The following ST6GALNAC5 variants were observed in gnomAD, a reference collection of about 807,000 sequenced individuals.
ST6GALNAC5 encodes the protein alpha-N-acetylgalactosaminide alpha-2,6-sialyltransferase 5.
Under a neutral mutation model 33.6 loss-of-function variants are expected in ST6GALNAC5, and 27 were observed. The observed-to-expected ratio is 0.80, with a 90% CI of 0.59 to 1.11. The LOEUF is 1.11. Ranked by LOEUF, ST6GALNAC5 falls within the 50% of genes least tolerant of loss-of-function variation. ST6GALNAC5 has a pLI of 0.00. For synonymous variants in ST6GALNAC5, 194 were observed against 171.2 expected, an observed-to-expected ratio of 1.13 and a Z score of -1.04; for missense variants, 428 against 454.0, an observed-to-expected ratio of 0.94 and a Z score of 0.52.
At chr1:77,033,503 G>T (rs1171602832) in intron 2 of ST6GALNAC5, among the ~76,000 whole-genome samples, 2 of 152,198 alleles carry the variant, frequency 1.3e-5, no homozygotes, top group Admixed American at 6.5e-5. Flanking sequence ...GGTGGAACTT[G>T]CCTCTTGGGG....
Position 76,895,731 on chromosome 1 carries a change from T to C in ST6GALNAC5, c.261+26989T>C, listed in dbSNP as rs549436721. ...GCAGTGTAAACAAGAGCAGGGCATG[T>C]ATGAGTAGTTGAGAACGGTGAATAG... On this transcript the variant is annotated intron_variant, in intron 2 of 4. Transcript: ENST00000477717. Among the ~76,000 whole-genome samples, 33 of 152,264 alleles carry C rather than the reference T, an allele frequency of 2.2e-4. No homozygotes were observed. In the East Asian group the frequency reaches 6.0e-3, roughly 28 times the overall value.
chr1:76,904,234 G>A (rs930011384), intron 2 of ST6GALNAC5, among the ~76,000 whole-genome samples: 3 of 152,136 alleles, frequency 2.0e-5, no homozygotes, highest in Non-Finnish European at 2.9e-5. Flanking sequence ...ACATGTCTGC[G>A]AGGTCGGTAA....
At chr1:76,982,363 G>C (rs778371510) in intron 2 of ST6GALNAC5, among the ~76,000 whole-genome samples, 1 of 152,178 alleles carries the variant, frequency 6.6e-6, no homozygotes, top group Non-Finnish European at 1.5e-5. Flanking sequence ...ACTTCGTGAA[G>C]CATGCACAAG....
intron 3 of ST6GALNAC5, among the ~76,000 whole-genome samples, chr1:77,049,660 A>T (rs1652154477): frequency 6.6e-6 from 1 of 152,210 alleles, no homozygotes; most frequent in Non-Finnish European, 1.5e-5. Flanking sequence ...AAATATAAGC[A>T]TTCCTGTGGC....
intron 2 of ST6GALNAC5, among the ~76,000 whole-genome samples, chr1:76,933,139 A>G (rs966478659): frequency 1.3e-5 from 2 of 152,074 alleles, no homozygotes; most frequent in Admixed American, 6.6e-5. Context: ...AATTTCTTAA[A>G]TGGAATCCTG....
intron 3 of ST6GALNAC5, among the ~76,000 whole-genome samples, chr1:77,049,068 C>G (rs1652124052): frequency 6.6e-6 from 1 of 151,922 alleles, no homozygotes; most frequent in Non-Finnish European, 1.5e-5. Context: ...AGCCATGATC[C>G]CCAGGAATAA....
At chr1:76,923,510 T>C (rs943397771) in intron 2 of ST6GALNAC5, among the ~76,000 whole-genome samples, 2 of 152,094 alleles carry the variant, frequency 1.3e-5, no homozygotes, top group African/African-American at 2.4e-5. Context: ...CTGGCCAACA[T>C]GGTGAAACCC....
At chr1:76,902,889 C>T (rs914110898) in intron 2 of ST6GALNAC5, among the ~76,000 whole-genome samples, 7 of 152,032 alleles carry the variant, frequency 4.6e-5, no homozygotes, top group African/African-American at 1.4e-4. Context: ...TAACTCAAAG[C>T]AGATCAAAGA....
At chr1:76,940,784 T>C (rs943722090) in intron 2 of ST6GALNAC5, among the ~76,000 whole-genome samples, 3 of 152,088 alleles carry the variant, frequency 2.0e-5, no homozygotes, top group Non-Finnish European at 4.4e-5. Flanking sequence ...TTCTCTTTCA[T>C]GGCAAGCTGA....
rs1653366282 is a variant in ST6GALNAC5 at position 76,867,521 on chromosome 1, C to T, written c.-155C>T. The T allele has an allele frequency of 8.8e-7, 1 of 1,142,054 alleles. No individual in the cohort carries two copies. The highest frequency in any genetic ancestry group is 1.3e-6 in the Non-Finnish European group (1 of 755,074). The allele number at this position is 1,142,054 out of a possible 1,614,324, so 70.7% of individuals were successfully genotyped here. ...CTAATCTCTGCAACAGCCGCGCTTC[C>T]CGGGTCCCGCGGCTCCCGCGCGCGA... On this transcript the variant is annotated 5_prime_UTR_variant, in exon 1 of 5. Coordinates refer to ENST00000477717, the MANE Select transcript of ST6GALNAC5 (RefSeq NM_030965.3).
intron 2 of ST6GALNAC5, among the ~76,000 whole-genome samples, chr1:76,988,651 G>C (rs1336712821): frequency 1.3e-5 from 2 of 151,948 alleles, no homozygotes; most frequent in African/African-American, 4.8e-5. Flanking sequence ...GAAATCCTTT[G>C]ACTTCCAGCT....
chr1:76,900,237 C>T (rs1646803991), intron 2 of ST6GALNAC5, among the ~76,000 whole-genome samples: 1 of 152,044 alleles, frequency 6.6e-6, no homozygotes, highest in Non-Finnish European at 1.5e-5. Context: ...AGGAATTTCA[C>T]AAGACAATGT....
chr1:77,055,023 T>C (rs1652344955), intron 4 of ST6GALNAC5, among the ~76,000 whole-genome samples: 1 of 152,078 alleles, frequency 6.6e-6, no homozygotes, highest in African/African-American at 2.4e-5. Flanking sequence ...CATTTGGTAC[T>C]GTGATGGCCT....
intron 2 of ST6GALNAC5, among the ~76,000 whole-genome samples, chr1:76,990,942 G>A (rs560084813): frequency 6.6e-6 from 1 of 152,268 alleles, no homozygotes; most frequent in South Asian, 2.1e-4. Flanking sequence ...CAAGAGTATT[G>A]CATAGCTAGG....
In ST6GALNAC5 at chr1:77,044,325, C is replaced by T. The variant is rs1651931279; in HGVS notation, c.383C>T (p.Thr128Ile). The T allele has an allele frequency of 1.4e-5, 22 of 1,613,922 alleles. No homozygotes were observed. In the East Asian group the frequency reaches 4.9e-4, roughly 36 times the overall value. Reference protein sequence around the residue: ...ECVIRMNDAPTRGYGRDVGNR... With the variant: ...ECVIRMNDAPIRGYGRDVGNR... ...GTCATCCGCATGAATGACGCCCCCA[C>T]ACGCGGCTATGGGCGTGACGTGGGC... The change falls in exon 3 of 5, where the codon ACA (threonine) becomes ATA (isoleucine). Residue 128 changes from threonine (T) to isoleucine (I), a missense_variant. Physicochemically the swap from Thr to Ile is moderately conservative, Grantham distance 89. Coordinates refer to ENST00000477717, the MANE Select transcript of ST6GALNAC5 (RefSeq NM_030965.3).
chr1:76,904,903 G>A (rs1646850815), intron 2 of ST6GALNAC5, among the ~76,000 whole-genome samples: 1 of 152,110 alleles, frequency 6.6e-6, no homozygotes, highest in African/African-American at 2.4e-5. Flanking sequence ...TAGGCTAAAT[G>A]AATCTATGCT....
chr1:76,900,469 C>T (rs181522470), intron 2 of ST6GALNAC5, among the ~76,000 whole-genome samples: 9 of 152,212 alleles, frequency 5.9e-5, no homozygotes, highest in Admixed American at 4.6e-4. Context: ...CTGGGATATA[C>T]CTTTCTCAAA....
At chr1:77,002,349 T>C (rs1650204992) in intron 2 of ST6GALNAC5, among the ~76,000 whole-genome samples, 1 of 152,196 alleles carries the variant, frequency 6.6e-6, no homozygotes, top group East Asian at 1.9e-4. Context: ...CCCTTTATCA[T>C]TTTTTATTGT....
At position 76,880,068 on chromosome 1, in the gene ST6GALNAC5, A is replaced by G. The variant is rs140129500; in HGVS notation, c.261+11326A>G. ...TCTGCTTCTGAAGCCAGGAGACAGA[A>G]TCCCTGAGTTCATCATTTTCTTTCA... On this transcript the variant is annotated intron_variant, in intron 2 of 4. Coordinates refer to ENST00000477717, the MANE Select transcript of ST6GALNAC5 (RefSeq NM_030965.3). 2.6e-3 allele frequency among the ~76,000 whole-genome samples: 395 copies of G among 152,322 alleles called. 2 individuals are homozygous for G. The highest frequency in any genetic ancestry group is 4.4e-3 in the Non-Finnish European group (296 of 68,024).
Sources: gnomAD v4.1 joint callset for allele counts (sites outside exome capture counted in the v4.1 genomes callset) on GRCh38, gnomAD v4.1.1 for gene constraint, MANE v1.5 for transcripts, NCBI Gene and HGNC (gene_info 2026-07-23, HGNC 2026-07-21) for gene names.